The following ERMP1 variants were observed in gnomAD, a reference collection of about 807,000 sequenced individuals.
The protein encoded by ERMP1 is Felix-ina.
ERMP1 carries 86 observed loss-of-function variants against 92.0 expected under a neutral mutation model. The ratio of observed to expected loss-of-function variants is 0.93; its 90% CI spans 0.79 to 1.12. ERMP1 has a LOEUF of 1.12. ERMP1 is among the 50% of genes most tolerant of loss of function. The pLI, the probability that ERMP1 is intolerant of heterozygous loss-of-function variation, is 0.00. For missense variants in ERMP1, 1,342 were observed against 1,116.3 expected (o/e 1.20, Z -2.88); for synonymous variants, 530 against 412.8 (o/e 1.28, Z -3.44).
intron 4 of ERMP1, among the ~76,000 whole-genome samples, chr9:5,821,955 T>A (rs1302942085): frequency 2.0e-5 from 3 of 152,114 alleles, no homozygotes; most frequent in Non-Finnish European, 2.9e-5. Context: ...CTAACTGACA[T>A]CCAAGAAATA....
At chr9:5,819,959 T>C (rs985528265) in intron 4 of ERMP1, among the ~76,000 whole-genome samples, 23 of 152,056 alleles carry the variant, frequency 1.5e-4, no homozygotes, top group Admixed American at 1.4e-3. Context: ...AACTAAGAAT[T>C]ATATATCTCA....
rs145366585 is a variant in ERMP1 at position 5,841,241 on chromosome 9, A to G, written n.3200-7929T>C. Reference sequence around the variant, plus strand: ...GGTTCTCTATTTTTAAAAAATTATAAAAACTTGTTCACAATATGATTCAGC... The same window carrying G: ...GGTTCTCTATTTTTAAAAAATTATAGAAACTTGTTCACAATATGATTCAGC... On this transcript the variant is annotated intron_variant and non_coding_transcript_variant, in intron 6 of 6. Transcript: ENST00000690753. 1.8e-3 allele frequency among the ~76,000 whole-genome samples: 281 copies of G among 152,358 alleles called. 1 individual carries two copies. The highest frequency in any genetic ancestry group is 6.4e-3 in the African/African-American group (267 of 41,580).
intron 11 of ERMP1, 72 bp downstream of exon 11, chr9:5,801,104 A>T (rs773146427): frequency 6.7e-7 from 1 of 1,491,230 alleles, no homozygotes; most frequent in African/African-American, 1.4e-5. Context: ...TGCGCTTGCT[A>T]TTCACTACTG....
chr9:5,830,745 A>C lies in ERMP1; in HGVS notation c.622T>G (p.Ser208Ala). The C allele has an allele frequency of 6.2e-7, 1 of 1,612,598 alleles. No individual in the cohort carries two copies. The highest frequency in any genetic ancestry group is 8.5e-7 in the Non-Finnish European group (1 of 1,179,016). The change falls in exon 2 of 15, where the codon TCA becomes GCA. Residue 208 changes from serine to alanine, a missense_variant. Transcript: ENST00000339450. Reference sequence around the variant, plus strand: ...TACATACCTGGTGAGTTTGCTACTGAGTCAAAATGACAATTAGCCAAGACA... The same window carrying C: ...TACATACCTGGTGAGTTTGCTACTGCGTCAAAATGACAATTAGCCAAGACA... The part of the protein sequence containing the change: ...HAVLANCHFD[S>A]VANSPGASDD...
intron 13 of ERMP1, chr9:5,791,118 T>C: frequency 2.4e-6 from 1 of 418,944 alleles, no homozygotes; most frequent in Non-Finnish European, 4.9e-6. Flanking sequence ...GCAGGAACAG[T>C]TGAAGTGAAC....
intron 13 of ERMP1, among the ~76,000 whole-genome samples, chr9:5,791,920 G>A (rs143103698): frequency 1.3e-5 from 2 of 152,300 alleles, no homozygotes; most frequent in East Asian, 3.9e-4. Context: ...GATGGTCAGT[G>A]TTACAACAGA....
In ERMP1 at chr9:5,812,019, G is replaced by A. The variant is rs187253678; in HGVS notation, c.1114+106C>T. On this transcript the variant is annotated intron_variant, in intron 6 of 14. Coordinates refer to ENST00000339450, the MANE Select transcript of ERMP1 (RefSeq NM_024896.3). ...TCCAAAGCCCTAGCTCATTCACATT[G>A]CATACTGCCTCTCTAATGCACAGGC... The A allele has an allele frequency of 2.0e-4, 137 of 693,288 alleles. No homozygotes were observed. In the Middle Eastern group the frequency reaches 5.8e-3, roughly 29 times the overall value. 42.9% of individuals were successfully genotyped at this position (693,288 alleles called of 1,614,324 possible).
chr9:5,839,551 C>T (rs778720609), intron 6 of ERMP1, among the ~76,000 whole-genome samples: 1 of 152,160 alleles, frequency 6.6e-6, no homozygotes, highest in Non-Finnish European at 1.5e-5. Context: ...TTTTAGTGAA[C>T]TAAAACATTA....
At chr9:5,843,518 G>C (rs1202281355) in intron 6 of ERMP1, among the ~76,000 whole-genome samples, 1 of 152,126 alleles carries the variant, frequency 6.6e-6, no homozygotes, top group African/African-American at 2.4e-5. Context: ...TTATTCATGA[G>C]ATTCTTATCT....
intron 13 of ERMP1, among the ~76,000 whole-genome samples, chr9:5,790,018 G>A (rs1194357387): frequency 6.6e-6 from 1 of 151,964 alleles, no homozygotes; most frequent in Non-Finnish European, 1.5e-5. Context: ...ATATCCAAAT[G>A]TATTACAAAA....
At chr9:5,789,847 C>CT (rs35893609) in intron 13 of ERMP1, among the ~76,000 whole-genome samples, 35,077 of 136,480 alleles carry the variant, frequency 0.26, 9,675 homozygotes, top group African/African-American at 0.69. Context: ...CAAACCTGGC[C>CT]TTTTTTTTTT....
At chr9:5,843,639 C>G (rs773188003) in intron 6 of ERMP1, among the ~76,000 whole-genome samples, 1 of 152,194 alleles carries the variant, frequency 6.6e-6, no homozygotes, top group South Asian at 2.1e-4. Context: ...CAAATGCCCC[C>G]CTCCCCGCTT....
Position 5,805,189 on chromosome 9 carries a change from G to C in ERMP1, c.1752C>G (p.Tyr584Ter). Residue 584 changes from tyrosine (Y) to a stop codon, truncating the protein, a stop_gained, in exon 10 of 15, where the codon TAC (tyrosine) becomes TAG (stop). Coordinates refer to ENST00000339450, the MANE Select transcript of ERMP1 (RefSeq NM_024896.3). LOFTEE classifies it high-confidence loss of function. The part of the protein sequence containing the change: ...HGAQGKFIAF[Y>*]LLGMFIPYLY... ...GATAAGGAATAAACATCCCCAAAAG[G>C]TAAAAAGCAATAAATTTTCCTTGGG... 6.2e-7 allele frequency: 1 copy of C among 1,606,168 alleles called. No homozygotes were observed. The highest frequency in any genetic ancestry group is 1.1e-5 in the South Asian group (1 of 89,474).
chr9:5,814,353 G>C (rs966718895), intron 4 of ERMP1, among the ~76,000 whole-genome samples: 1 of 152,086 alleles, frequency 6.6e-6, no homozygotes, highest in African/African-American at 2.4e-5. Flanking sequence ...GCAACATATT[G>C]ACTGATGTAA....
At chr9:5,864,098 AT>A (rs1311318385) in intron 5 of ERMP1, among the ~76,000 whole-genome samples, 1 of 152,220 alleles carries the variant, frequency 6.6e-6, no homozygotes, top group African/African-American at 2.4e-5. Context: ...AGAATTGCAC[AT>A]TTTCACTAGT....
intron 2 of ERMP1, among the ~76,000 whole-genome samples, chr9:5,827,287 G>C (rs140970639): frequency 6.9e-4 from 105 of 152,164 alleles, no homozygotes; most frequent in African/African-American, 2.4e-3. Context: ...GCTTCCATGG[G>C]CCACATTAAG....
intron 1 of ERMP1, among the ~76,000 whole-genome samples, chr9:5,831,718 G>C (rs1829946872): frequency 6.6e-6 from 1 of 152,182 alleles, no homozygotes; most frequent in Admixed American, 6.5e-5. Context: ...AGAAACCAAT[G>C]AGCAAAAATA....
chr9:5,863,907 A>G (rs1017040934), intron 5 of ERMP1, among the ~76,000 whole-genome samples: 20 of 152,344 alleles, frequency 1.3e-4, no homozygotes, highest in African/African-American at 3.8e-4. Flanking sequence ...TAGTGACTGA[A>G]TAATAGTTCA....
At chr9:5,830,027 T>A (rs1273322164) in intron 2 of ERMP1, among the ~76,000 whole-genome samples, 2 of 152,216 alleles carry the variant, frequency 1.3e-5, no homozygotes, top group Non-Finnish European at 2.9e-5. Context: ...CAGAGAAAGA[T>A]TTACACATTA....
Sources: gnomAD v4.1 joint callset for allele counts (sites outside exome capture counted in the v4.1 genomes callset) on GRCh38, gnomAD v4.1.1 for gene constraint, MANE v1.5 for transcripts, NCBI Gene and HGNC (gene_info 2026-07-23, HGNC 2026-07-21) for gene names.